Variants in AGBL3 observed in about 807,000 individuals in gnomAD.
AGBL3 encodes AGBL carboxypeptidase 3, also known as cytosolic carboxypeptidase 3.
AGBL3 carries 68 observed loss-of-function variants against 94.5 expected under a neutral mutation model. The ratio of observed to expected loss-of-function variants is 0.72; its 90% CI spans 0.59 to 0.88. The LOEUF is 0.88. Ranked by LOEUF, AGBL3 falls within the 40% of genes least tolerant of loss-of-function variation. The probability of loss-of-function intolerance (pLI) is 0.00; values close to 1 mark genes in which losing one functional copy is unlikely to be tolerated. For synonymous variants in AGBL3, 354 were observed against 370.7 expected, an observed-to-expected ratio of 0.95 and a Z score of 0.52; for missense variants, 934 against 1,103.8, an observed-to-expected ratio of 0.85 and a Z score of 2.18.
Position 134,993,687 on chromosome 7 carries a change from T to G in AGBL3, c.310+9T>G. The G allele has an allele frequency of 1.3e-6, 2 of 1,535,448 alleles. No homozygotes were observed. Among genetic ancestry groups the G allele is most frequent in the Non-Finnish European group, 1.8e-6 (2 of 1,137,836 alleles). On this transcript the variant is annotated intron_variant, in intron 4 of 16. Coordinates refer to ENST00000436302, the MANE Select transcript of AGBL3 (RefSeq NM_178563.4). ...AAAAGTCCAGCATATTGGTATGTTT[T>G]TAGCAGTTTGGGGGATTCAGACATT...
At chr7:135,072,938 T>TA (rs1296246872) in intron 12 of AGBL3, among the ~76,000 whole-genome samples, 2 of 151,402 alleles carry the variant, frequency 1.3e-5, no homozygotes, top group African/African-American at 2.4e-5. Context: ...AAAATAAAAT[T>TA]AAAAAAAATT....
intron 4 of AGBL3, among the ~76,000 whole-genome samples, chr7:135,015,538 CAGTA>C (rs1362007733): frequency 6.6e-6 from 1 of 152,080 alleles, no homozygotes; most frequent in Non-Finnish European, 1.5e-5. Context: ...ACATGGCTCT[CAGTA>C]AGGGTACTCT....
chr7:135,113,869 G>T (rs924237795), intron 15 of AGBL3, among the ~76,000 whole-genome samples: 1 of 152,088 alleles, frequency 6.6e-6, no homozygotes, highest in Non-Finnish European at 1.5e-5. Context: ...GAATTTGACT[G>T]CTCTAGTCAA....
At chr7:135,028,186 T>C (rs1251136471) in intron 5 of AGBL3, among the ~76,000 whole-genome samples, 3 of 151,702 alleles carry the variant, frequency 2.0e-5, no homozygotes, top group African/African-American at 7.2e-5. Flanking sequence ...TGGTGGTTGC[T>C]GAAGGTAGGG....
At chr7:135,104,011 A>G (rs1048641295) in intron 15 of AGBL3, among the ~76,000 whole-genome samples, 6 of 152,064 alleles carry the variant, frequency 3.9e-5, no homozygotes, top group African/African-American at 1.4e-4. Context: ...GTTTGTACAG[A>G]TTATTTCATC....
In AGBL3 at chr7:135,029,110, T is replaced by C. The variant is rs973328311; in HGVS notation, c.419-3734T>C. ...GAGCACAGGCAGAATAGATTTAGCA[T>C]AATTCTTAAGGGCCCTAGGATTTTC... On this transcript the variant is annotated intron_variant, in intron 5 of 16. Coordinates refer to ENST00000436302, the MANE Select transcript of AGBL3 (RefSeq NM_178563.4). Among the ~76,000 whole-genome samples the C allele has an allele frequency of 2.0e-5, 3 of 152,206 alleles. No individual in the cohort carries two copies. The East Asian group carries it at 5.8e-4, about 29-fold the overall frequency.
At chr7:135,003,257 C>G (rs1170193928) in intron 4 of AGBL3, among the ~76,000 whole-genome samples, 4 of 152,128 alleles carry the variant, frequency 2.6e-5, no homozygotes, top group Admixed American at 2.6e-4. Flanking sequence ...TTATCTTTTT[C>G]TACCCACTTA....
At chr7:135,068,804 G>A (rs368526988) in intron 12 of AGBL3, among the ~76,000 whole-genome samples, 6 of 152,282 alleles carry the variant, frequency 3.9e-5, no homozygotes, top group South Asian at 2.1e-4. Flanking sequence ...AAAGACCATC[G>A]ATGCTAGGAA....
chr7:135,030,863 T>C (rs991689928), intron 5 of AGBL3, among the ~76,000 whole-genome samples: 6 of 152,210 alleles, frequency 3.9e-5, no homozygotes, highest in Admixed American at 6.5e-5. Flanking sequence ...AATTATAAAT[T>C]GGCAAATTAT....
At chr7:135,033,511 T>C (rs982872439) in intron 6 of AGBL3, among the ~76,000 whole-genome samples, 3 of 152,178 alleles carry the variant, frequency 2.0e-5, no homozygotes, top group African/African-American at 7.2e-5. Flanking sequence ...GCTTATAGAA[T>C]AGAAAGTTAC....
chr7:134,991,431 T>G (rs967077548), intron 3 of AGBL3, among the ~76,000 whole-genome samples: 7 of 149,150 alleles, frequency 4.7e-5, no homozygotes, highest in African/African-American at 1.6e-4. Context: ...AAGGAATTTT[T>G]TTTGTTTGTT....
intron 16 of AGBL3, chr7:135,128,601 C>G (rs1359781796): frequency 5.2e-6 from 4 of 776,362 alleles, no homozygotes; most frequent in Non-Finnish European, 7.1e-6. Flanking sequence ...GCTATCTGCT[C>G]TATGGGAAGA....
chr7:135,018,792 C>G (rs552595138), intron 5 of AGBL3, among the ~76,000 whole-genome samples: 2 of 152,234 alleles, frequency 1.3e-5, no homozygotes, highest in South Asian at 2.1e-4. Context: ...GGACAGGGTA[C>G]TGAAGAATGT....
At chr7:135,094,444 C>A (rs1180449243) in intron 15 of AGBL3, 1 of 456,538 alleles carries the variant, frequency 2.2e-6, no homozygotes. Flanking sequence ...TAACAAATTG[C>A]CAGAGGCTGA....
intron 12 of AGBL3, among the ~76,000 whole-genome samples, chr7:135,073,214 T>C (rs919821700): frequency 3.9e-5 from 6 of 152,056 alleles, no homozygotes; most frequent in Non-Finnish European, 8.8e-5. Context: ...ATGCCTGTAA[T>C]CCCAGCACTA....
intron 15 of AGBL3, among the ~76,000 whole-genome samples, chr7:135,108,507 T>G (rs555853322): frequency 6.6e-6 from 1 of 152,324 alleles, no homozygotes; most frequent in Non-Finnish European, 1.5e-5. Context: ...TCAAAATTTT[T>G]TTCTTTAAGA....
At chr7:135,128,815 G>A in intron 16 of AGBL3, 1 of 1,167,366 alleles carries the variant, frequency 8.6e-7, no homozygotes, top group Non-Finnish European at 1.3e-6. Flanking sequence ...GGAAACTGTG[G>A]ATGAGACAGC....
chr7:135,034,532 A>G lies in AGBL3; in HGVS notation c.941A>G (p.Asn314Ser), dbSNP rs1217289647. The change falls in exon 7 of 17, where the codon AAT becomes AGT. Residue 314 changes from asparagine (N) to serine (S), a missense_variant. Physicochemically the swap from Asn to Ser is conservative, Grantham distance 46. Around this residue, in one of 3 missense-constraint regions of AGBL3, gnomAD observed 488 missense variants for 563.6 expected, o/e 0.87. Coordinates refer to ENST00000436302, the MANE Select transcript of AGBL3 (RefSeq NM_178563.4). The stretch of plus-strand genomic sequence containing the variant: ...CTGCAAGAATACCTTTCTGGCATCA[A>G]TAATGATCCAGTACGGTCAAAGTTT... ...TNLQEYLSGI[N>S]NDPVRSKFCK... The G allele has an allele frequency of 4.5e-6, 7 of 1,551,980 alleles. No homozygotes were observed. The highest frequency in any genetic ancestry group is 3.6e-5 in the South Asian group (3 of 84,066).
At chr7:135,051,296 G>A (rs1342230032) in intron 11 of AGBL3, 1 of 171,782 alleles carries the variant, frequency 5.8e-6, no homozygotes, top group Non-Finnish European at 1.2e-5. Context: ...GTATGATTTT[G>A]AGCTCGAGTT....
Sources: gnomAD v4.1 joint callset for allele counts (sites outside exome capture counted in the v4.1 genomes callset) on GRCh38, gnomAD v4.1.1 for gene constraint, gnomAD v4.1.1 regional missense constraint, MANE v1.5 for transcripts, NCBI Gene and HGNC (gene_info 2026-07-23, HGNC 2026-07-21) for gene names.